Variants in TRHDE observed in about 807,000 individuals in gnomAD.
The protein encoded by TRHDE is thyrotropin releasing hormone degrading enzyme, also known as thyrotropin-releasing hormone-degrading ectoenzyme.
A neutral mutation model predicts 125.7 loss-of-function variants in TRHDE; 72 were observed. The observed-to-expected ratio is 0.57, with a 90% CI of 0.47 to 0.70. TRHDE has a LOEUF of 0.70. Ranked by LOEUF, TRHDE falls within the 30% of genes least tolerant of loss-of-function variation. The probability of loss-of-function intolerance (pLI) is 0.00; values close to 1 mark genes in which losing one functional copy is unlikely to be tolerated. For missense variants in TRHDE, 1,110 were observed against 1,327.1 expected (o/e 0.84, Z 2.54); for synonymous variants, 509 against 509.1 (o/e 1.00, Z 0.00).
upstream of TRHDE, among the ~76,000 whole-genome samples, chr12:72,269,122 C>T (rs926716836): frequency 1.3e-5 from 2 of 151,978 alleles, no homozygotes; most frequent in Non-Finnish European, 2.9e-5. Flanking sequence ...TTCACCCCCC[C>T]ACTTTTGCTT....
chr12:72,610,974 A>C (rs752267145), intron 12 of TRHDE: 2 of 153,408 alleles, frequency 1.3e-5, no homozygotes, highest in African/African-American at 2.4e-5. Context: ...TGCTTCAGAG[A>C]GGCTATCAAA....
At chr12:72,325,705 G>C (rs1431382341) in intron 2 of TRHDE, among the ~76,000 whole-genome samples, 1 of 152,052 alleles carries the variant, frequency 6.6e-6, no homozygotes. Context: ...GAGCACCGTG[G>C]TTAAATCTTT....
At chr12:72,230,735 G>A (rs1878231011) in intron 2 of TRHDE, among the ~76,000 whole-genome samples, 1 of 152,040 alleles carries the variant, frequency 6.6e-6, no homozygotes, top group South Asian at 2.1e-4. Flanking sequence ...ATCAGAGCAG[G>A]GAGATGCATT....
chr12:72,421,793 C>A (rs1873966412), intron 3 of TRHDE, among the ~76,000 whole-genome samples: 1 of 152,160 alleles, frequency 6.6e-6, no homozygotes, highest in Non-Finnish European at 1.5e-5. Context: ...CTTCTTGATG[C>A]ACACTTAGGC....
At chr12:72,644,217 G>T (rs1874184744) in intron 15 of TRHDE, among the ~76,000 whole-genome samples, 1 of 152,156 alleles carries the variant, frequency 6.6e-6, no homozygotes, top group Non-Finnish European at 1.5e-5. Context: ...ACATTTATCA[G>T]AATCTCTACT....
intron 2 of TRHDE, among the ~76,000 whole-genome samples, chr12:72,331,360 A>ACCTAAAATAT (rs1565701466): frequency 7.4e-6 from 1 of 135,020 alleles, no homozygotes; most frequent in South Asian, 2.4e-4. Context: ...CCAAGAAAAT[A>ACCTAAAATAT]ATGGAAAAAG....
At chr12:72,413,122 TTAA>T (rs1873581565) in intron 3 of TRHDE, among the ~76,000 whole-genome samples, 1 of 152,060 alleles carries the variant, frequency 6.6e-6, no homozygotes, top group Non-Finnish European at 1.5e-5. Flanking sequence ...TATTTCATAA[TTAA>T]TAATTTTTAA....
chr12:72,590,076 G>A (rs1213193682), intron 12 of TRHDE, among the ~76,000 whole-genome samples: 3 of 151,616 alleles, frequency 2.0e-5, no homozygotes, highest in African/African-American at 7.3e-5. Flanking sequence ...TTTATATATG[G>A]TATCATTCAG....
chr12:72,218,370 A>C (rs1877936055), intron 2 of TRHDE, among the ~76,000 whole-genome samples: 1 of 152,296 alleles, frequency 6.6e-6, no homozygotes, highest in Middle Eastern at 3.4e-3. Context: ...TCTTCTTCTG[A>C]CATAAAATAC....
In TRHDE at chr12:72,669,795, T is replaced by C. The variant is rs527850416; in HGVS notation, c.*6600T>C. 1 of 152,002 alleles carries C rather than the reference T, an allele frequency of 6.6e-6. No individual in the cohort carries two copies. Among genetic ancestry groups the C allele is most frequent in the East Asian group, 1.9e-4 (1 of 5,158 alleles). 9.4% of individuals were successfully genotyped at this position (152,002 alleles called of 1,614,324 possible). Reference sequence around the variant, plus strand: ...TTTCAAAATATTGTGTAACAGCAATTCCACATTATCCTTTTGAATGCTACC... The same window carrying C: ...TTTCAAAATATTGTGTAACAGCAATCCCACATTATCCTTTTGAATGCTACC... On this transcript the variant is annotated 3_prime_UTR_variant, in exon 19 of 19. Coordinates refer to ENST00000261180, the MANE Select transcript of TRHDE (RefSeq NM_013381.3).
At chr12:72,260,725 G>C (rs1217250263) in intron 2 of TRHDE, among the ~76,000 whole-genome samples, 2 of 152,030 alleles carry the variant, frequency 1.3e-5, no homozygotes, top group East Asian at 1.9e-4. Flanking sequence ...AAAGAAGGGA[G>C]TAGTAAGGGC....
At chr12:72,323,225 T>C (rs569662674) in intron 2 of TRHDE, among the ~76,000 whole-genome samples, 1 of 152,260 alleles carries the variant, frequency 6.6e-6, no homozygotes, top group South Asian at 2.1e-4. Context: ...AGAAGTGATG[T>C]CTAATTAAAG....
intron 1 of TRHDE, among the ~76,000 whole-genome samples, chr12:72,278,303 A>G (rs538240652): frequency 2.0e-5 from 3 of 152,110 alleles, no homozygotes; most frequent in African/African-American, 7.2e-5. Flanking sequence ...GTATTTCATT[A>G]GTGTATGTAT....
At chr12:72,172,772 T>C (rs1420094980) in intron 2 of TRHDE, among the ~76,000 whole-genome samples, 1 of 152,240 alleles carries the variant, frequency 6.6e-6, no homozygotes, top group Non-Finnish European at 1.5e-5. Flanking sequence ...TTGGTTCCAA[T>C]GTTAAATATG....
At chr12:72,473,031 T>G in intron 4 of TRHDE, 36 bp from the exon 5 acceptor site, 2 of 1,473,818 alleles carry the variant, frequency 1.4e-6, no homozygotes, top group Non-Finnish European at 1.9e-6. Context: ...GGATAGATTT[T>G]ATTTTATTTG....
At chr12:72,534,171 G>A (rs1223434467) in intron 6 of TRHDE, among the ~76,000 whole-genome samples, 2 of 152,178 alleles carry the variant, frequency 1.3e-5, no homozygotes, top group African/African-American at 4.8e-5. Context: ...CCAACGGTTA[G>A]TTTAAATAAT....
intron 7 of TRHDE, among the ~76,000 whole-genome samples, chr12:72,553,906 T>G (rs1342028526): frequency 6.6e-6 from 1 of 150,604 alleles, no homozygotes; most frequent in Non-Finnish European, 1.5e-5. Flanking sequence ...TGGAGTACAA[T>G]GGTACAACCT....
chr12:72,259,374 G>A (rs1878895484), intron 2 of TRHDE, among the ~76,000 whole-genome samples: 2 of 152,152 alleles, frequency 1.3e-5, no homozygotes, highest in East Asian at 1.9e-4. Flanking sequence ...GTTTTTCTGA[G>A]AACTTTCTTA....
chr12:72,590,547 T>C (rs1462086752), intron 12 of TRHDE, among the ~76,000 whole-genome samples: 2 of 152,158 alleles, frequency 1.3e-5, no homozygotes, highest in East Asian at 3.8e-4. Context: ...TATCTCTGAT[T>C]AATTGATGTT....
Sources: allele counts gnomAD v4.1 joint callset (sites outside exome capture counted in the v4.1 genomes callset), GRCh38; gene constraint gnomAD v4.1.1; transcripts MANE v1.5; gene names NCBI Gene and HGNC (gene_info 2026-07-23, HGNC 2026-07-21).